AFF3: variants seen among roughly 807,000 people sequenced by gnomAD.
The protein encoded by AFF3 is ALF transcription elongation factor 3, also known as AF4/FMR2 family member 3.
AFF3 carries 32 observed loss-of-function variants against 129.7 expected under a neutral mutation model. The observed-to-expected ratio is 0.25, with a 90% confidence interval of 0.19 to 0.33. AFF3 has a LOEUF of 0.33. Ranked by LOEUF, AFF3 falls within the 10% of genes least tolerant of loss-of-function variation. AFF3 has a pLI of 1.00. For synonymous variants in AFF3, 644 were observed against 635.4 expected, an observed-to-expected ratio of 1.01 and a Z score of -0.20; for missense variants, 1,373 against 1,592.0, an observed-to-expected ratio of 0.86 and a Z score of 2.34.
intron 4 of AFF3, among the ~76,000 whole-genome samples, chr2:100,075,864 T>C (rs1688546889): frequency 6.6e-6 from 1 of 152,160 alleles, no homozygotes; most frequent in South Asian, 2.1e-4. Context: ...GGAGGCATAG[T>C]GCTGTCCAAA....
intron 7 of AFF3, among the ~76,000 whole-genome samples, chr2:99,858,604 A>G (rs940159634): frequency 6.6e-6 from 1 of 152,170 alleles, no homozygotes; most frequent in Non-Finnish European, 1.5e-5. Flanking sequence ...GTGCAGGGAC[A>G]TGGATGGGGC....
At chr2:99,863,628 A>C (rs1691162078) in intron 7 of AFF3, among the ~76,000 whole-genome samples, 1 of 152,218 alleles carries the variant, frequency 6.6e-6, no homozygotes. Context: ...CCCAAGATAC[A>C]ATCAATATTA....
At chr2:99,559,219 T>G (rs1011588621) in intron 21 of AFF3, among the ~76,000 whole-genome samples, 7 of 152,144 alleles carry the variant, frequency 4.6e-5, no homozygotes, top group Admixed American at 2.6e-4. Context: ...GGTGAATCAC[T>G]CTGTTGGGTC....
In AFF3 at chr2:100,078,961, G is replaced by A. The variant is rs1322524738; in HGVS notation, c.53+25441C>T. ...AATATTTTCTTTTTTTTTTTTTTTT[G>A]AGACAGAGTCTCACTCTGTTGCCTA... is the stretch of plus-strand genomic sequence containing the variant. On this transcript the variant is annotated intron_variant, in intron 4 of 24. Coordinates refer to ENST00000672756, the MANE Select transcript of AFF3 (RefSeq NM_001386135.1). Among the ~76,000 whole-genome samples, 36 of 41,740 alleles carry A rather than the reference G, an allele frequency of 8.6e-4. 1 individual carries two copies. The South Asian group carries it at 0.024, about 28-fold the overall frequency. 27.4% of individuals were successfully genotyped at this position (41,740 alleles called of 152,430 possible). A position where few individuals can be genotyped will look rare whatever the true frequency, so the allele number is the denominator to read the frequency against.
chr2:99,756,147 T>G (rs1682079447), intron 8 of AFF3, among the ~76,000 whole-genome samples: 1 of 152,242 alleles, frequency 6.6e-6, no homozygotes, highest in Non-Finnish European at 1.5e-5. Flanking sequence ...CTCTGTCCAC[T>G]CCACCCCTTT....
At chr2:99,916,328 C>T (rs924402718) in intron 7 of AFF3, among the ~76,000 whole-genome samples, 2 of 152,182 alleles carry the variant, frequency 1.3e-5, no homozygotes, top group African/African-American at 4.8e-5. Context: ...TTTTGCACAG[C>T]ATTTACTACT....
intron 4 of AFF3, among the ~76,000 whole-genome samples, chr2:100,074,076 C>A (rs1487600174): frequency 6.6e-6 from 1 of 152,190 alleles, no homozygotes; most frequent in East Asian, 1.9e-4. Context: ...TGTAACTCAG[C>A]CACGGACCCA....
intron 19 of AFF3, among the ~76,000 whole-genome samples, chr2:99,567,714 A>T (rs1676105364): frequency 6.6e-6 from 1 of 152,216 alleles, no homozygotes; most frequent in Non-Finnish European, 1.5e-5. Context: ...AGGTGTGCTT[A>T]GAGGTCAGTA....
At chr2:99,898,393 C>T (rs186685701) in intron 7 of AFF3, among the ~76,000 whole-genome samples, 6 of 152,300 alleles carry the variant, frequency 3.9e-5, no homozygotes, top group Middle Eastern at 6.8e-3. Context: ...GTGGGTACCA[C>T]GATGCCATCT....
chr2:99,721,444 G>A (rs1047152127), intron 11 of AFF3, among the ~76,000 whole-genome samples: 11 of 150,902 alleles, frequency 7.3e-5, no homozygotes, highest in Admixed American at 5.3e-4. Context: ...CAGGACAATC[G>A]CTTGAACCTG....
chr2:99,568,962 C>A, intron 18 of AFF3, 47 bp from the exon 19 acceptor site: 6 of 1,534,766 alleles, frequency 3.9e-6, no homozygotes, highest in Non-Finnish European at 5.4e-6. Context: ...TTAAGTGCAA[C>A]GTCTTTTTAA....
chr2:100,105,447 A>G (rs918264444), intron 3 of AFF3, 57 bp downstream of exon 3: 8 of 1,321,386 alleles, frequency 6.1e-6, no homozygotes, highest in Non-Finnish European at 8.0e-6. Context: ...TGGTGGTCCC[A>G]CCCACCCTCT....
chr2:99,800,902 CA>C (rs756509431), intron 8 of AFF3, among the ~76,000 whole-genome samples: 15 of 152,066 alleles, frequency 9.9e-5, no homozygotes, highest in Non-Finnish European at 1.5e-4. Flanking sequence ...GAAAGCAGAG[CA>C]GTGGTGGCCT....
At chr2:100,001,048 T>C (rs543184070) in intron 7 of AFF3, among the ~76,000 whole-genome samples, 5 of 152,300 alleles carry the variant, frequency 3.3e-5, no homozygotes, top group African/African-American at 4.8e-5. Context: ...CAGCCCCAGG[T>C]GCGGAGCTCA....
In AFF3 at chr2:99,601,415, C is replaced by T; in HGVS notation, c.1371+20G>A. On this transcript the variant is annotated intron_variant, in intron 14 of 24. Coordinates refer to ENST00000672756, the MANE Select transcript of AFF3 (RefSeq NM_001386135.1). ...AGACAGAAGTGGGCAGAGGAGAGGC[C>T]TGAGCCAGGCAGCGCTTACCTCGGG... 1 of 1,580,742 alleles carries T rather than the reference C, an allele frequency of 6.3e-7. No individual in the cohort carries two copies. The highest frequency in any genetic ancestry group is 8.6e-7 in the Non-Finnish European group (1 of 1,161,424).
chr2:100,112,441 C>T (rs1387492566), intron 2 of AFF3: 1 of 152,358 alleles, frequency 6.6e-6, no homozygotes. Context: ...GCCTGTAATC[C>T]CAGTACTTTG....
intron 7 of AFF3, among the ~76,000 whole-genome samples, chr2:99,871,988 A>C (rs1260933861): frequency 6.6e-6 from 1 of 151,976 alleles, no homozygotes; most frequent in Non-Finnish European, 1.5e-5. Flanking sequence ...TGGGTGGATC[A>C]TGAGGTCAGG....
intron 4 of AFF3, among the ~76,000 whole-genome samples, chr2:100,072,984 T>C (rs1688312207): frequency 6.6e-6 from 1 of 152,200 alleles, no homozygotes; most frequent in Admixed American, 6.5e-5. Context: ...TTCACTGCAA[T>C]GTCTTTTTTC....
intron 10 of AFF3, among the ~76,000 whole-genome samples, chr2:99,729,145 T>C (rs1159648952): frequency 6.6e-6 from 1 of 152,206 alleles, no homozygotes; most frequent in Non-Finnish European, 1.5e-5. Context: ...ACATTCCATC[T>C]TAATGAAGAA....
Sources: gnomAD v4.1 joint callset for allele counts (sites outside exome capture counted in the v4.1 genomes callset) on GRCh38, gnomAD v4.1.1 for gene constraint, MANE v1.5 for transcripts, NCBI Gene and HGNC (gene_info 2026-07-23, HGNC 2026-07-21) for gene names.